The following ERBB4 variants were observed in gnomAD, a reference collection of about 807,000 sequenced individuals.
The protein encoded by ERBB4 is erb-b2 receptor tyrosine kinase 4.
Under a neutral mutation model 158.0 loss-of-function variants are expected in ERBB4, and 42 were observed. The observed-to-expected ratio is 0.27, with a 90% CI of 0.21 to 0.34. ERBB4 has a LOEUF of 0.34. ERBB4 is among the 10% of genes least tolerant of loss of function. The pLI is 1.00. For synonymous variants in ERBB4, 583 were observed against 558.7 expected (o/e 1.04, Z -0.61); for missense variants, 1,333 against 1,624.1 (o/e 0.82, Z 3.08).
intron 3 of ERBB4, among the ~76,000 whole-genome samples, chr2:211,918,747 CA>C (rs1269024495): frequency 3.3e-5 from 5 of 152,022 alleles, no homozygotes; most frequent in Non-Finnish European, 5.9e-5. Context: ...AGCTGGTGTA[CA>C]ATTTACAAAA....
At chr2:212,164,498 T>C (rs1366006842) in intron 1 of ERBB4, among the ~76,000 whole-genome samples, 2 of 152,016 alleles carry the variant, frequency 1.3e-5, no homozygotes, top group Non-Finnish European at 2.9e-5. Flanking sequence ...AATAATTTTA[T>C]ATTTAAATAC....
intron 25 of ERBB4, among the ~76,000 whole-genome samples, chr2:211,400,925 TTAAA>T (rs1295584798): frequency 1.3e-5 from 2 of 152,088 alleles, no homozygotes; most frequent in African/African-American, 2.4e-5. Flanking sequence ...CCCACAAAAA[TTAAA>T]TATTTAAAAA....
intron 2 of ERBB4, among the ~76,000 whole-genome samples, chr2:211,952,418 A>C (rs1294642066): frequency 6.6e-6 from 1 of 152,086 alleles, no homozygotes; most frequent in African/African-American, 2.4e-5. Context: ...TAAAAGCGTA[A>C]ATTATATGTT....
chr2:211,561,719 A>G (rs2067397534), intron 20 of ERBB4, 184 bp downstream of exon 20: 1 of 619,326 alleles, frequency 1.6e-6, no homozygotes. Context: ...ATCTAAAAAT[A>G]TATATCACGC....
chr2:212,199,848 A>G (rs187658589), intron 1 of ERBB4, among the ~76,000 whole-genome samples: 19 of 148,070 alleles, frequency 1.3e-4, no homozygotes, highest in African/African-American at 4.6e-4. Flanking sequence ...ATCAGAATTC[A>G]TTGACTGCCA....
chr2:211,744,679 T>C (rs2074907729), intron 5 of ERBB4, among the ~76,000 whole-genome samples: 1 of 152,170 alleles, frequency 6.6e-6, no homozygotes, highest in Non-Finnish European at 1.5e-5. Context: ...CACCATTTAG[T>C]GACAAAGAGG....
chr2:212,308,066 A>G (rs1381362027), intron 1 of ERBB4, among the ~76,000 whole-genome samples: 10 of 151,000 alleles, frequency 6.6e-5, no homozygotes, highest in Non-Finnish European at 1.5e-4. Flanking sequence ...TTCCTCCACA[A>G]TTTTATAGAA....
At chr2:212,533,656 C>A (rs1433084602) in intron 1 of ERBB4, among the ~76,000 whole-genome samples, 1 of 152,060 alleles carries the variant, frequency 6.6e-6, no homozygotes, top group Admixed American at 6.6e-5. Context: ...TATTAGAAAT[C>A]ATAAAAAGTA....
chr2:212,425,446 A>G (rs1380562414), intron 1 of ERBB4, among the ~76,000 whole-genome samples: 1 of 150,314 alleles, frequency 6.7e-6, no homozygotes, highest in African/African-American at 2.4e-5. Flanking sequence ...ATATTTATAC[A>G]ATAATCAGTA....
chr2:211,772,874 T>C (rs59053278), intron 4 of ERBB4, among the ~76,000 whole-genome samples: 5,182 of 47,898 alleles, frequency 0.11, 565 homozygotes, highest in South Asian at 0.29. Context: ...TATATACACA[T>C]ATATATATAT....
At chr2:212,487,414 C>T (rs916964224) in intron 1 of ERBB4, among the ~76,000 whole-genome samples, 7 of 151,688 alleles carry the variant, frequency 4.6e-5, no homozygotes, top group Admixed American at 2.0e-4. Flanking sequence ...CTTTAGCAAA[C>T]TTTTTTTTAT....
chr2:212,168,360 A>C (rs145843112), intron 1 of ERBB4, among the ~76,000 whole-genome samples: 4 of 152,146 alleles, frequency 2.6e-5, no homozygotes, highest in African/African-American at 9.7e-5. Flanking sequence ...ATTTGTTTTC[A>C]TTAGAATTAT....
intron 5 of ERBB4, among the ~76,000 whole-genome samples, chr2:211,731,559 A>G (rs574441821): frequency 6.6e-6 from 1 of 152,232 alleles, no homozygotes; most frequent in Non-Finnish European, 1.5e-5. Flanking sequence ...AGTATTTTAA[A>G]AGAAATCTCT....
chr2:212,352,873 A>T (rs1260350254), intron 1 of ERBB4, among the ~76,000 whole-genome samples: 1 of 152,102 alleles, frequency 6.6e-6, no homozygotes. Flanking sequence ...TGTCTCAAAA[A>T]AATAAAATAA....
chr2:212,198,733 C>CTTTT (rs11448093), intron 1 of ERBB4, among the ~76,000 whole-genome samples: 13 of 96,414 alleles, frequency 1.3e-4, no homozygotes, highest in African/African-American at 5.6e-4. Context: ...TCACCACGCC[C>CTTTT]TTTTTTTTTT....
At chr2:211,856,192 A>G (rs1168293058) in intron 3 of ERBB4, among the ~76,000 whole-genome samples, 1 of 152,114 alleles carries the variant, frequency 6.6e-6, no homozygotes, top group Non-Finnish European at 1.5e-5. Flanking sequence ...CTATGGAAAC[A>G]TAATTCCCAA....
intron 1 of ERBB4, among the ~76,000 whole-genome samples, chr2:212,205,376 G>C (rs1307435840): frequency 6.6e-6 from 1 of 152,076 alleles, no homozygotes; most frequent in Non-Finnish European, 1.5e-5. Context: ...GCCCCACCAA[G>C]TCTCCATAGT....
intron 25 of ERBB4, among the ~76,000 whole-genome samples, chr2:211,402,966 T>G (rs1274857882): frequency 6.6e-6 from 1 of 152,080 alleles, no homozygotes; most frequent in African/African-American, 2.4e-5. Flanking sequence ...GCAATGAAGT[T>G]TAAGCTTTAG....
chr2:211,560,261 G>GTTTTTTTTTT (rs2067349395), intron 20 of ERBB4, among the ~76,000 whole-genome samples: 2 of 82,878 alleles, frequency 2.4e-5, no homozygotes, highest in African/African-American at 1.2e-4. Context: ...TTGAAGCTTA[G>GTTTTTTTTTT]CTTTTTTTTT....
Sources: allele counts gnomAD v4.1 joint callset (sites outside exome capture counted in the v4.1 genomes callset), GRCh38; gene constraint gnomAD v4.1.1; transcripts MANE v1.5; gene names NCBI Gene and HGNC (gene_info 2026-07-23, HGNC 2026-07-21).